The following CPLANE1 variants were observed in gnomAD, a reference collection of about 807,000 sequenced individuals.
The protein encoded by CPLANE1 is ciliogenesis and planar polarity effector 1.
A neutral mutation model predicts 362.5 loss-of-function variants in CPLANE1; 263 were observed. That is an observed-to-expected ratio of 0.73 (90% confidence interval 0.66 to 0.80). The LOEUF is 0.80. Among genes scored for constraint, CPLANE1 ranks in the 30% least tolerant of loss-of-function variants. The probability of loss-of-function intolerance (pLI) is 0.00; values close to 1 mark genes in which losing one functional copy is unlikely to be tolerated. For synonymous variants in CPLANE1, 1,212 were observed against 1,302.6 expected (o/e 0.93, Z 1.50); for missense variants, 3,461 against 3,793.4 (o/e 0.91, Z 2.30).
Position 37,165,527 on chromosome 5 carries a change from G to T in CPLANE1, c.7533+12C>A. 1 of 1,607,988 alleles carries T rather than the reference G, an allele frequency of 6.2e-7. No homozygotes were observed. Among genetic ancestry groups the T allele is most frequent in the South Asian group, 1.1e-5 (1 of 89,446 alleles). ...GCAAACCAGGGAAGAATCTATAGCA[G>T]TTTTTCTATACCTTGGGTTTCTTAA... On this transcript the variant is annotated intron_variant, in intron 36 of 52. Coordinates refer to ENST00000651892, the MANE Select transcript of CPLANE1 (RefSeq NM_001384732.1).
chr5:37,092,954 T>C, the CPLANE1 span, among the ~76,000 whole-genome samples: 5 of 152,274 alleles, frequency 3.3e-5, no homozygotes, highest in South Asian at 1.0e-3. Flanking sequence ...TTAATTACAA[T>C]ATATCTGATC....
chr5:37,141,563 C>T (rs1443809050), intron 44 of CPLANE1: 14 of 964,902 alleles, frequency 1.5e-5, no homozygotes, highest in Non-Finnish European at 1.7e-5. Flanking sequence ...ATTTAAGTAA[C>T]AGTAATGCCA....
chr5:37,154,456 G>GTTTTTTTTTTTT (rs1457651303), intron 41 of CPLANE1, among the ~76,000 whole-genome samples: 5 of 83,126 alleles, frequency 6.0e-5, no homozygotes, highest in African/African-American at 1.9e-4. Context: ...ATTTGCAATA[G>GTTTTTTTTTTTT]TTCTTTTTTT....
rs910110280 is a variant in CPLANE1 at position 37,213,544 on chromosome 5, T to C, written c.2920+15A>G. The stretch of plus-strand genomic sequence containing the variant: ...ATGCAAAAAAAGTTTAAAAAGGATT[T>C]GTTTACTACATTACCTGTTTTAATA... On this transcript the variant is annotated intron_variant, in intron 16 of 52. Coordinates refer to ENST00000651892, the MANE Select transcript of CPLANE1 (RefSeq NM_001384732.1). The C allele has an allele frequency of 3.3e-6, 5 of 1,493,448 alleles. No homozygotes were observed. The highest frequency in any genetic ancestry group is 2.3e-5 in the Admixed American group (1 of 43,178). The allele number at this position is 1,493,448 out of a possible 1,614,324, so 92.5% of individuals were successfully genotyped here. A position where few individuals can be genotyped will look rare whatever the true frequency, so the allele number is the denominator to read the frequency against.
At chr5:37,088,886 G>A in the CPLANE1 span, among the ~76,000 whole-genome samples, 18 of 152,126 alleles carry the variant, frequency 1.2e-4, no homozygotes, top group Non-Finnish European at 1.9e-4. Context: ...GCTCACCGTG[G>A]TAATTGATAG....
Position 37,230,872 on chromosome 5 carries a change from C to T in CPLANE1, c.1116G>A (p.Thr372=), listed in dbSNP as rs551066377. The change falls in exon 9 of 53, where the codon ACG becomes ACA. Residue 372 remains threonine, a synonymous_variant. Coordinates refer to ENST00000651892, the MANE Select transcript of CPLANE1 (RefSeq NM_001384732.1). ...ACACAATTCAAATGTCTCACCTATA[C>T]GTTATTAGTGGATGAAGAGGAATAA... ...AEFIPLHPLI[T]YRPQQFTFQD... 2.1e-4 allele frequency: 316 copies of T among 1,524,730 alleles called. No individual in the cohort carries two copies. Among genetic ancestry groups the T allele is most frequent in the African/African-American group, 4.7e-4 (34 of 72,142 alleles). 94.5% of individuals were successfully genotyped at this position (1,524,730 alleles called of 1,614,324 possible).
At position 37,245,535 on chromosome 5, in the gene CPLANE1, C is replaced by G; in HGVS notation, c.281G>C (p.Cys94Ser). The G allele has an allele frequency of 6.6e-7, 1 of 1,506,276 alleles. No homozygotes were observed. The highest frequency in any genetic ancestry group is 8.9e-7 in the Non-Finnish European group (1 of 1,123,998). The allele number at this position is 1,506,276 out of a possible 1,614,324, so 93.3% of individuals were successfully genotyped here. A position where few individuals can be genotyped will look rare whatever the true frequency, so the allele number is the denominator to read the frequency against. ...TTCAGTTATTGGTATAGTTTTCAAA[C>G]AATCTTGATCTTTGTTCCAAAGGAA... ...ELFLWNKDQD[C>S]LKTIPITEKP... The change falls in exon 4 of 53, where the codon TGT becomes TCT. Residue 94 changes from cysteine to serine, a missense_variant. This residue lies in a region of CPLANE1 where 3,380 missense variants were observed against 3,666.1 expected (regional missense o/e 0.92). Coordinates refer to ENST00000651892, the MANE Select transcript of CPLANE1 (RefSeq NM_001384732.1).
chr5:37,226,489 T>C lies in CPLANE1; in HGVS notation c.2106A>G (p.Val702=), dbSNP rs1196893708. ...AAATAACTTCAGGTTGAAGAATGTA[T>C]ACACCATTTAAATTGTCAGCTACCA... ...LKMVADNLNG[V]YILQPEVISA... Residue 702 remains valine, a synonymous_variant, in exon 12 of 53, where the codon GTA becomes GTG. Coordinates refer to ENST00000651892, the MANE Select transcript of CPLANE1 (RefSeq NM_001384732.1). 7 of 1,550,378 alleles carry C rather than the reference T, an allele frequency of 4.5e-6. No homozygotes were observed. The African/African-American group carries it at 6.9e-5, about 15-fold the overall frequency.
At chr5:37,126,397 G>A (rs1414322762) in intron 46 of CPLANE1, among the ~76,000 whole-genome samples, 1 of 152,182 alleles carries the variant, frequency 6.6e-6, no homozygotes, top group African/African-American at 2.4e-5. Flanking sequence ...GCAAGACACA[G>A]GTGACTCTGT....
At chr5:37,137,703 A>G (rs900785530) in intron 46 of CPLANE1, among the ~76,000 whole-genome samples, 1 of 152,200 alleles carries the variant, frequency 6.6e-6, no homozygotes, top group Non-Finnish European at 1.5e-5. Context: ...GAAGGAGAAG[A>G]ATGAGTGCCC....
chr5:37,152,291 C>G (rs937460504), intron 42 of CPLANE1, among the ~76,000 whole-genome samples: 1 of 152,044 alleles, frequency 6.6e-6, no homozygotes, highest in Non-Finnish European at 1.5e-5. Context: ...ATCCTTCCAC[C>G]TCAGCCTCCC....
intron 32 of CPLANE1, among the ~76,000 whole-genome samples, chr5:37,171,304 A>G (rs1249351799): frequency 6.6e-6 from 1 of 152,246 alleles, no homozygotes; most frequent in Non-Finnish European, 1.5e-5. Context: ...ATAGGCTAGT[A>G]CAGAAGTTCA....
rs766128735 is a variant in CPLANE1 at position 37,182,817 on chromosome 5, T to C, written c.5364A>G (p.Leu1788=). 2.5e-6 allele frequency: 4 copies of C among 1,613,638 alleles called. No individual in the cohort carries two copies. The highest frequency in any genetic ancestry group is 2.7e-5 in the African/African-American group (2 of 74,924). ...CAAAATAGGGTTGTTCCAAAAGCCA[T>C]AATGATGTAAGAATGGCAGCTGTAG... ...KTSTAAILTS[L]WLLEQPYFAT... Residue 1788 remains leucine, a synonymous_variant, in exon 26 of 53, where the codon TTA becomes TTG. Transcript: ENST00000651892.
the CPLANE1 span, chr5:37,085,858 T>G: frequency 9.0e-7 from 1 of 1,116,506 alleles, no homozygotes; most frequent in South Asian, 1.2e-5. Flanking sequence ...GGTGAAATGG[T>G]CCCTGGGTGA....
At position 37,182,854 on chromosome 5, in the gene CPLANE1, C is replaced by G; in HGVS notation, c.5327G>C (p.Arg1776Pro). The change falls in exon 26 of 53, where the codon CGT becomes CCT. Residue 1776 changes from arginine (R) to proline (P), a missense_variant. Coordinates refer to ENST00000651892, the MANE Select transcript of CPLANE1 (RefSeq NM_001384732.1). ...AATGGCAGCTGTAGAGGTCTTTACACGAATTACTGGACTGTACTCAGAGGA... is the reference window on the plus strand; with the variant it reads ...AATGGCAGCTGTAGAGGTCTTTACAGGAATTACTGGACTGTACTCAGAGGA... ...ESSSEYSPVI[R>P]VKTSTAAILT... 1.9e-6 allele frequency: 3 copies of G among 1,612,864 alleles called. No individual in the cohort carries two copies. The highest frequency in any genetic ancestry group is 2.5e-6 in the Non-Finnish European group (3 of 1,179,658).
At chr5:37,131,831 A>G (rs760052346) in intron 46 of CPLANE1, among the ~76,000 whole-genome samples, 39 of 151,924 alleles carry the variant, frequency 2.6e-4, no homozygotes, top group Non-Finnish European at 5.0e-4. Context: ...CGCCAGGCCA[A>G]ATATTTTTAT....
chr5:37,196,802 G>A (rs972683298), intron 20 of CPLANE1, among the ~76,000 whole-genome samples: 8 of 152,126 alleles, frequency 5.3e-5, no homozygotes, highest in African/African-American at 1.7e-4. Context: ...GCAGGCGCCT[G>A]TAGTCCCAGG....
At chr5:37,195,210 T>A (rs950882554) in intron 21 of CPLANE1, among the ~76,000 whole-genome samples, 1 of 151,446 alleles carries the variant, frequency 6.6e-6, no homozygotes, top group Admixed American at 6.6e-5. Flanking sequence ...TGATAAGGAT[T>A]AAGGAAGGAT....
chr5:37,154,058 TC>T, intron 41 of CPLANE1, 65 bp from the exon 42 acceptor site: 1 of 1,404,412 alleles, frequency 7.1e-7, no homozygotes, highest in Admixed American at 2.3e-5. Context: ...ATTGATGATC[TC>T]ATTTTTTGAT....
Sources: allele counts gnomAD v4.1 joint callset (sites outside exome capture counted in the v4.1 genomes callset), GRCh38; gene constraint gnomAD v4.1.1; regional missense constraint gnomAD v4.1.1; transcripts MANE v1.5; gene names NCBI Gene and HGNC (gene_info 2026-07-23, HGNC 2026-07-21).